GRID2: variants seen among roughly 807,000 people sequenced by gnomAD.
GRID2 encodes glutamate ionotropic receptor delta type subunit 2, also known as glutamate receptor ionotropic, delta-2.
Under a neutral mutation model 114.8 loss-of-function variants are expected in GRID2, and 33 were observed. The observed-to-expected ratio is 0.29, with a 90% confidence interval of 0.22 to 0.38. The LOEUF (loss-of-function observed/expected upper bound fraction) is 0.38. Among genes scored for constraint, GRID2 ranks in the 10% least tolerant of loss-of-function variants. The pLI is 1.00. For missense variants in GRID2, 1,184 were observed against 1,257.7 expected, an observed-to-expected ratio of 0.94 and a Z score of 0.89; for synonymous variants, 505 against 449.9, an observed-to-expected ratio of 1.12 and a Z score of -1.55.
At chr4:93,668,104 C>T (rs1163648773) in intron 14 of GRID2, among the ~76,000 whole-genome samples, 1 of 151,918 alleles carries the variant, frequency 6.6e-6, no homozygotes, top group African/African-American at 2.4e-5. Context: ...TAGCTATGGC[C>T]AACAATAGCT....
intron 4 of GRID2, among the ~76,000 whole-genome samples, chr4:93,197,888 T>TA (rs1741662437): frequency 6.6e-6 from 1 of 152,226 alleles, no homozygotes; most frequent in African/African-American, 2.4e-5. Flanking sequence ...TTAATATTTC[T>TA]ATACTTAATT....
intron 1 of GRID2, among the ~76,000 whole-genome samples, chr4:92,305,328 C>G (rs999469019): frequency 6.6e-6 from 1 of 152,144 alleles, no homozygotes; most frequent in Non-Finnish European, 1.5e-5. Context: ...ATGATCCTTG[C>G]GTGTAGTCTT....
At chr4:93,259,077 T>C (rs1749953288) in intron 8 of GRID2, 1 of 321,680 alleles carries the variant, frequency 3.1e-6, no homozygotes, top group Non-Finnish European at 6.3e-6. Context: ...TTGCCTATTT[T>C]TCCCTTTTGC....
chr4:93,265,640 A>T (rs553666642), intron 8 of GRID2, among the ~76,000 whole-genome samples: 2 of 152,342 alleles, frequency 1.3e-5, no homozygotes, highest in South Asian at 4.1e-4. Flanking sequence ...ACATTGAAAT[A>T]AATGTGACCT....
chr4:93,217,931 A>G (rs2149484450), intron 6 of GRID2, among the ~76,000 whole-genome samples: 1 of 152,190 alleles, frequency 6.6e-6, no homozygotes, highest in Admixed American at 6.6e-5. Context: ...ACATTTTAGT[A>G]CTTAGAGATT....
At chr4:92,795,593 C>G (rs1474399263) in intron 2 of GRID2, among the ~76,000 whole-genome samples, 1 of 151,960 alleles carries the variant, frequency 6.6e-6, no homozygotes. Context: ...TGCTTTTTCA[C>G]TTCTCTAAAA....
chr4:93,098,864 A>G (rs916770955), intron 3 of GRID2, among the ~76,000 whole-genome samples: 7 of 151,880 alleles, frequency 4.6e-5, no homozygotes, highest in African/African-American at 9.7e-5. Context: ...GAAAATAGTT[A>G]TTCTCTTACC....
At chr4:93,504,284 G>T (rs1249214308) in intron 12 of GRID2, among the ~76,000 whole-genome samples, 1 of 152,048 alleles carries the variant, frequency 6.6e-6, no homozygotes, top group East Asian at 1.9e-4. Context: ...TTCAGAGCTT[G>T]TTAGTAGGCC....
chr4:92,954,131 C>T (rs1321660623), intron 2 of GRID2, among the ~76,000 whole-genome samples: 1 of 151,790 alleles, frequency 6.6e-6, no homozygotes, highest in Non-Finnish European at 1.5e-5. Flanking sequence ...GTCGAAAGCA[C>T]ATTAAAAGAT....
intron 10 of GRID2, among the ~76,000 whole-genome samples, chr4:93,435,218 A>G (rs550359212): frequency 6.6e-6 from 1 of 152,302 alleles, no homozygotes; most frequent in Non-Finnish European, 1.5e-5. Context: ...ATATTTGTAC[A>G]TAAAAGAATG....
chr4:92,342,044 A>T lies in GRID2; in HGVS notation c.88+37300A>T, dbSNP rs190066655. On this transcript the variant is annotated intron_variant, in intron 1 of 15. Coordinates refer to ENST00000282020, the MANE Select transcript of GRID2 (RefSeq NM_001510.4). ...ACATTTTATTCATTAATTAAAAAAT[A>T]TTTATTATTGTACTACTGCGCTGGG... is the stretch of plus-strand genomic sequence containing the variant. Among the ~76,000 whole-genome samples the T allele has an allele frequency of 1.9e-3, 292 of 152,276 alleles. 1 individual carries two copies. The highest frequency in any genetic ancestry group is 6.6e-3 in the African/African-American group (274 of 41,550).
chr4:92,872,519 T>A (rs1024695716), intron 2 of GRID2, among the ~76,000 whole-genome samples: 3 of 152,070 alleles, frequency 2.0e-5, no homozygotes, highest in Non-Finnish European at 1.5e-5. Context: ...AAATTGAAAA[T>A]TAATTATTTG....
chr4:92,452,380 C>G (rs927636970), intron 1 of GRID2, among the ~76,000 whole-genome samples: 1 of 150,802 alleles, frequency 6.6e-6, no homozygotes, highest in Non-Finnish European at 1.5e-5. Flanking sequence ...TGCAGTGGCA[C>G]GATCTTGGCT....
chr4:92,727,820 G>A (rs973529110), intron 2 of GRID2, among the ~76,000 whole-genome samples: 1 of 151,952 alleles, frequency 6.6e-6, no homozygotes, highest in Non-Finnish European at 1.5e-5. Flanking sequence ...AGCAATTTAT[G>A]ATTACTAGTA....
intron 14 of GRID2, among the ~76,000 whole-genome samples, chr4:93,748,216 G>A (rs978829030): frequency 2.0e-5 from 3 of 152,006 alleles, no homozygotes; most frequent in Non-Finnish European, 4.4e-5. Flanking sequence ...ACACTGTATG[G>A]GTCGATATCT....
chr4:93,059,810 TA>T lies in GRID2; in HGVS notation c.245-25173del, dbSNP rs35372891. 5.5e-3 allele frequency among the ~76,000 whole-genome samples: 800 copies of T among 144,958 alleles called. 9 individuals are homozygous for T. The highest frequency in any genetic ancestry group is 0.015 in the African/African-American group (592 of 39,890). Reference sequence around the variant, plus strand: ...TGTATTTTCCAAATACAGTGATCTTTAAAAAAAAAAAAGTATTCTGAGAAGT... The same window carrying T: ...TGTATTTTCCAAATACAGTGATCTTTAAAAAAAAAAAGTATTCTGAGAAGT... On this transcript the variant is annotated intron_variant, in intron 2 of 15. Transcript: ENST00000282020.
intron 2 of GRID2, among the ~76,000 whole-genome samples, chr4:92,925,667 T>C (rs1749755454): frequency 6.6e-6 from 1 of 152,032 alleles, no homozygotes; most frequent in African/African-American, 2.4e-5. Context: ...CTTCTAGGTG[T>C]GGAATTAGGG....
intron 1 of GRID2, among the ~76,000 whole-genome samples, chr4:92,459,802 C>T (rs1721388841): frequency 1.3e-5 from 2 of 151,494 alleles, no homozygotes. Flanking sequence ...TATAAGTAGA[C>T]TTACAGTAAA....
intron 8 of GRID2, among the ~76,000 whole-genome samples, chr4:93,366,793 C>T (rs373279623): frequency 4.6e-5 from 7 of 151,958 alleles, no homozygotes; most frequent in East Asian, 1.9e-4. Context: ...AGCTGGCCGA[C>T]GCTTAAGGAA....
Sources: allele counts gnomAD v4.1 joint callset (sites outside exome capture counted in the v4.1 genomes callset), GRCh38; gene constraint gnomAD v4.1.1; transcripts MANE v1.5; gene names NCBI Gene and HGNC (gene_info 2026-07-23, HGNC 2026-07-21).